PREX1: variants seen among roughly 807,000 people sequenced by gnomAD.
The protein encoded by PREX1 is phosphatidylinositol 3,4,5-trisphosphate-dependent Rac exchanger 1 protein.
In PREX1, 41 loss-of-function variants were observed where a neutral mutation model predicts 198.3. That is an observed-to-expected ratio of 0.21 (90% confidence interval 0.16 to 0.27). The LOEUF is 0.27. Among genes scored for constraint, PREX1 ranks in the 10% least tolerant of loss-of-function variants. The pLI, the probability that PREX1 is intolerant of heterozygous loss-of-function variation, is 1.00. For synonymous variants in PREX1, 843 were observed against 887.2 expected (o/e 0.95, Z 0.89); for missense variants, 1,620 against 2,200.7 (o/e 0.74, Z 5.28).
intron 19 of PREX1, 74 bp downstream of exon 19, chr20:48,655,216 C>G: frequency 7.3e-7 from 1 of 1,368,536 alleles, no homozygotes; most frequent in East Asian, 2.5e-5. Context: ...GTTCAGAAGG[C>G]TCTGAACTCC....
At chr20:48,742,548 C>T (rs1270969835) in intron 3 of PREX1, among the ~76,000 whole-genome samples, 1 of 152,004 alleles carries the variant, frequency 6.6e-6, no homozygotes, top group Non-Finnish European at 1.5e-5. Flanking sequence ...CAGGAAGGCC[C>T]CAGCACAGAA....
chr20:48,704,840 G>A (rs570311816), intron 6 of PREX1, among the ~76,000 whole-genome samples: 1 of 152,292 alleles, frequency 6.6e-6, no homozygotes, highest in African/African-American at 2.4e-5. Context: ...ACAGGTGTGA[G>A]CCACCGCGCC....
chr20:48,660,201 A>G, intron 15 of PREX1, 140 bp from the exon 16 acceptor site: 1 of 1,000,346 alleles, frequency 1.0e-6, no homozygotes, highest in Admixed American at 2.1e-5. Flanking sequence ...AAATGGAATC[A>G]TATGCCAACA....
intron 1 of PREX1, among the ~76,000 whole-genome samples, chr20:48,784,629 A>G (rs1289352009): frequency 6.6e-6 from 1 of 152,144 alleles, no homozygotes; most frequent in Non-Finnish European, 1.5e-5. Context: ...CCTCTTCCCT[A>G]AAGAAGCCCC....
At chr20:48,829,970 C>T (rs2123100952), upstream of PREX1, among the ~76,000 whole-genome samples, 1 of 152,274 alleles carries the variant, frequency 6.6e-6, no homozygotes, top group South Asian at 2.1e-4. Flanking sequence ...TCACATAACT[C>T]TTTGTTGGGG....
intron 1 of PREX1, among the ~76,000 whole-genome samples, chr20:48,814,962 A>G (rs2090453339): frequency 6.6e-6 from 1 of 152,244 alleles, no homozygotes; most frequent in South Asian, 2.1e-4. Context: ...AATGGAAAAC[A>G]GTAAGCAGAA....
intron 5 of PREX1, among the ~76,000 whole-genome samples, chr20:48,721,372 G>A (rs1004416470): frequency 4.6e-5 from 7 of 152,308 alleles, no homozygotes; most frequent in East Asian, 1.9e-4. Context: ...CTCCTCTATC[G>A]CAGAGGTGGC....
the PREX1 span, among the ~76,000 whole-genome samples, chr20:48,882,748 A>G: frequency 6.6e-6 from 1 of 151,792 alleles, no homozygotes. Flanking sequence ...GACACTTGTT[A>G]TTATCTGTCT....
At chr20:48,672,048 C>G (rs2089678786) in intron 14 of PREX1, among the ~76,000 whole-genome samples, 1 of 152,240 alleles carries the variant, frequency 6.6e-6, no homozygotes, top group Non-Finnish European at 1.5e-5. Flanking sequence ...GCCGAGCCCA[C>G]AACTCCTCGG....
chr20:48,640,849 G>A (rs943263944), intron 29 of PREX1, among the ~76,000 whole-genome samples: 2 of 148,896 alleles, frequency 1.3e-5, no homozygotes, highest in African/African-American at 2.5e-5. Flanking sequence ...GAAGATGGAT[G>A]GATGGATGGG....
the PREX1 span, among the ~76,000 whole-genome samples, chr20:48,855,377 G>C: frequency 2.0e-5 from 3 of 152,236 alleles, no homozygotes; most frequent in South Asian, 6.3e-4. Flanking sequence ...ACAGGAGAGA[G>C]ACCCTGGGTA....
chr20:48,787,377 A>C (rs936559371), intron 1 of PREX1, among the ~76,000 whole-genome samples: 24 of 152,050 alleles, frequency 1.6e-4, no homozygotes, highest in Admixed American at 3.9e-4. Flanking sequence ...AACAAACAAA[A>C]AAAAAAAAGA....
At chr20:48,665,583 T>G (rs1269307410) in intron 15 of PREX1, among the ~76,000 whole-genome samples, 1 of 152,240 alleles carries the variant, frequency 6.6e-6, no homozygotes, top group African/African-American at 2.4e-5. Flanking sequence ...CTTAACTATC[T>G]GAGCTTCTAT....
chr20:48,871,594 C>T, the PREX1 span, among the ~76,000 whole-genome samples: 1 of 22,584 alleles, frequency 4.4e-5, no homozygotes, highest in African/African-American at 1.9e-4. Flanking sequence ...ACCATATTTA[C>T]TTCTGTTCTT....
Position 48,691,175 on chromosome 20 carries a change from G to T in PREX1, c.1037-79C>A. ...ACACTCCCCATTGCCAAGCCCTTCC[G>T]CCCCAGCACAGGCAGGGCCCTCGCC... On this transcript the variant is annotated intron_variant, in intron 8 of 39. Coordinates refer to ENST00000371941, the MANE Select transcript of PREX1 (RefSeq NM_020820.4). The surrounding 1 kb of genome is among the most constrained non-coding windows in gnomAD (Gnocchi z 5.0). 1 of 1,575,540 alleles carries T rather than the reference G, an allele frequency of 6.3e-7. No individual in the cohort carries two copies. Among genetic ancestry groups the T allele is most frequent in the Non-Finnish European group, 8.7e-7 (1 of 1,148,934 alleles).
At chr20:48,754,837 G>A (rs2090150033) in intron 1 of PREX1, among the ~76,000 whole-genome samples, 1 of 152,054 alleles carries the variant, frequency 6.6e-6, no homozygotes, top group Admixed American at 6.5e-5. Context: ...CTTGGAATCT[G>A]AGCGATGATA....
intron 1 of PREX1, among the ~76,000 whole-genome samples, chr20:48,798,051 C>A (rs1485902016): frequency 6.6e-6 from 1 of 152,192 alleles, no homozygotes; most frequent in African/African-American, 2.4e-5. Context: ...GAAGAAGTCA[C>A]GTAAGTCAAT....
chr20:48,766,640 T>C (rs1753113648), intron 1 of PREX1, among the ~76,000 whole-genome samples: 1 of 152,118 alleles, frequency 6.6e-6, no homozygotes, highest in Admixed American at 6.5e-5. Flanking sequence ...CCAAGGTTGG[T>C]CAGGGCCCAG....
chr20:48,721,343 C>T (rs1333926666), intron 5 of PREX1, among the ~76,000 whole-genome samples: 2 of 152,188 alleles, frequency 1.3e-5, no homozygotes, highest in Admixed American at 1.3e-4. Flanking sequence ...GTGAAGGGGA[C>T]AGAGAATGGC....
Sources: gnomAD v4.1 joint callset for allele counts (sites outside exome capture counted in the v4.1 genomes callset) on GRCh38, gnomAD v4.1.1 for gene constraint, Gnocchi (gnomAD v3.1) non-coding constraint, MANE v1.5 for transcripts, NCBI Gene and HGNC (gene_info 2026-07-23, HGNC 2026-07-21) for gene names.